TOX2: variants seen among roughly 807,000 people sequenced by gnomAD.
The protein encoded by TOX2 is granulosa cell HMG box 1.
Under a neutral mutation model 47.4 loss-of-function variants are expected in TOX2, and 15 were observed. The observed-to-expected ratio is 0.32, with a 90% CI of 0.21 to 0.49. TOX2 has a LOEUF of 0.49. TOX2 is among the 20% of genes least tolerant of loss of function. The probability of loss-of-function intolerance (pLI) is 0.99; values close to 1 mark genes in which losing one functional copy is unlikely to be tolerated. For missense variants in TOX2, 622 were observed against 673.1 expected (o/e 0.92, Z 0.84); for synonymous variants, 290 against 296.6 (o/e 0.98, Z 0.23).
At chr20:44,035,518 C>G (rs576470300) in intron 3 of TOX2, among the ~76,000 whole-genome samples, 33 of 152,218 alleles carry the variant, frequency 2.2e-4, no homozygotes, top group Non-Finnish European at 4.0e-4. Context: ...ACTCCTGTTC[C>G]CCCACGACCA....
At chr20:44,025,411 G>C (rs544631902) in intron 3 of TOX2, among the ~76,000 whole-genome samples, 39 of 150,074 alleles carry the variant, frequency 2.6e-4, no homozygotes, top group Non-Finnish European at 5.2e-4. Context: ...CTGTTGGCAA[G>C]TGGTGTCCTC....
intron 1 of TOX2, among the ~76,000 whole-genome samples, chr20:43,966,937 C>A (rs150417303): frequency 1.8e-4 from 22 of 122,310 alleles, no homozygotes; most frequent in African/African-American, 6.1e-4. Context: ...CCAAGGTGTA[C>A]GATGGATTGT....
At chr20:43,938,510 T>A (rs1209297548) in intron 1 of TOX2, among the ~76,000 whole-genome samples, 2 of 152,208 alleles carry the variant, frequency 1.3e-5, no homozygotes, top group Non-Finnish European at 2.9e-5. Flanking sequence ...CTAGGAGTTA[T>A]CAGGATACTG....
chr20:44,016,643 C>T (rs1388039448), intron 3 of TOX2, among the ~76,000 whole-genome samples: 1 of 152,122 alleles, frequency 6.6e-6, no homozygotes, highest in Non-Finnish European at 1.5e-5. Context: ...GTCTCTAGAC[C>T]TTGCCAAACA....
intron 1 of TOX2, among the ~76,000 whole-genome samples, chr20:43,968,497 C>T (rs1306106508): frequency 3.3e-5 from 5 of 152,138 alleles, no homozygotes; most frequent in Non-Finnish European, 5.9e-5. Context: ...GAGCTCTTTT[C>T]CCTGAGGGGA....
intron 1 of TOX2, among the ~76,000 whole-genome samples, chr20:43,935,786 G>T (rs1486727565): frequency 2.6e-5 from 4 of 151,976 alleles, no homozygotes; most frequent in Non-Finnish European, 5.9e-5. Flanking sequence ...ATTTAGCTGG[G>T]TGTGGTGGTG....
chr20:44,062,392 A>AAATG, intron 5 of TOX2, among the ~76,000 whole-genome samples: 1 of 148,536 alleles, frequency 6.7e-6, no homozygotes, highest in East Asian at 1.9e-4. Flanking sequence ...ATAAATAAAT[A>AAATG]AATAAATAAA....
intron 1 of TOX2, among the ~76,000 whole-genome samples, chr20:43,948,329 T>A (rs1264597849): frequency 1.3e-5 from 2 of 152,172 alleles, no homozygotes; most frequent in African/African-American, 2.4e-5. Flanking sequence ...CTTCATCCCC[T>A]TTGGACCTTT....
chr20:44,011,638 G>T (rs969884061), intron 3 of TOX2, among the ~76,000 whole-genome samples: 1 of 152,218 alleles, frequency 6.6e-6, no homozygotes, highest in Non-Finnish European at 1.5e-5. Context: ...GGGATGGTGC[G>T]GCTGGGCTGC....
At chr20:43,976,894 C>T (rs1447888284) in intron 2 of TOX2, among the ~76,000 whole-genome samples, 1 of 152,168 alleles carries the variant, frequency 6.6e-6, no homozygotes, top group Non-Finnish European at 1.5e-5. Context: ...TAAGGATTGA[C>T]ATCAACATTT....
intron 3 of TOX2, among the ~76,000 whole-genome samples, chr20:44,035,874 C>T (rs994341687): frequency 6.6e-6 from 1 of 152,262 alleles, no homozygotes; most frequent in Non-Finnish European, 1.5e-5. Flanking sequence ...GTAAAGGAAG[C>T]AGCCTGGGGC....
At chr20:43,926,254 A>C (rs186973251) in intron 1 of TOX2, among the ~76,000 whole-genome samples, 1 of 152,286 alleles carries the variant, frequency 6.6e-6, no homozygotes, top group Admixed American at 6.5e-5. Context: ...TACATTATTT[A>C]GGAAGGTCTC....
At position 44,063,436 on chromosome 20, in the gene TOX2, A is replaced by C. The variant is rs1189617298; in HGVS notation, c.880-1341A>C. On this transcript the variant is annotated intron_variant, in intron 5 of 8. Coordinates refer to ENST00000341197, the MANE Select transcript of TOX2 (RefSeq NM_001098797.2). ...ATCAAAACCACCTTACTCCTGCAAG[A>C]ATGTCCATAATCAAAAAATAGATGT... Among the ~76,000 whole-genome samples the C allele has an allele frequency of 2.0e-5, 3 of 152,008 alleles. No individual in the cohort carries two copies. The East Asian group carries it at 5.8e-4, about 29-fold the overall frequency.
At position 43,969,931 on chromosome 20, in the gene TOX2, C is replaced by G. The variant is rs6124609; in HGVS notation, c.100-3436C>G. Reference sequence around the variant, plus strand: ...TGGGAATCCACTGCCCACCCCCTTGCCTGCCCCTAACACACTCGTGTCGGA... The same window carrying G: ...TGGGAATCCACTGCCCACCCCCTTGGCTGCCCCTAACACACTCGTGTCGGA... On this transcript the variant is annotated intron_variant, in intron 1 of 8. Coordinates refer to ENST00000341197, the MANE Select transcript of TOX2 (RefSeq NM_001098797.2). Among the ~76,000 whole-genome samples, 853 of 152,326 alleles carry G rather than the reference C, an allele frequency of 5.6e-3. 17 individuals are homozygous for G. The East Asian group carries it at 0.086, about 15-fold the overall frequency.
chr20:43,975,335 T>A (rs969335302), intron 2 of TOX2, among the ~76,000 whole-genome samples: 2 of 152,200 alleles, frequency 1.3e-5, no homozygotes, highest in Non-Finnish European at 2.9e-5. Flanking sequence ...AACAGTCATA[T>A]CCTCAACAAT....
intron 5 of TOX2, among the ~76,000 whole-genome samples, chr20:44,063,672 C>A (rs1427147915): frequency 6.6e-6 from 1 of 152,060 alleles, no homozygotes; most frequent in Admixed American, 6.6e-5. Flanking sequence ...GCCCAATTTG[C>A]AATTGCAAAA....
chr20:43,975,800 G>A (rs2145485570), intron 2 of TOX2, among the ~76,000 whole-genome samples: 1 of 152,154 alleles, frequency 6.6e-6, no homozygotes, highest in South Asian at 2.1e-4. Flanking sequence ...ACCACCATGG[G>A]GAAAGGATCT....
At chr20:43,955,862 C>T (rs2069660697) in intron 1 of TOX2, among the ~76,000 whole-genome samples, 1 of 152,234 alleles carries the variant, frequency 6.6e-6, no homozygotes, top group Non-Finnish European at 1.5e-5. Context: ...TAGTTAGCAT[C>T]TACAACCCAT....
intron 2 of TOX2, among the ~76,000 whole-genome samples, chr20:44,003,987 C>A (rs949000542): frequency 6.6e-6 from 1 of 152,040 alleles, no homozygotes; most frequent in African/African-American, 2.4e-5. Flanking sequence ...TAGAGCAGCC[C>A]GAGTGGCCAA....
Sources: gnomAD v4.1 joint callset for allele counts (sites outside exome capture counted in the v4.1 genomes callset) on GRCh38, gnomAD v4.1.1 for gene constraint, MANE v1.5 for transcripts, NCBI Gene and HGNC (gene_info 2026-07-23, HGNC 2026-07-21) for gene names.